The following MAN1A1 variants were observed in gnomAD, a reference collection of about 807,000 sequenced individuals.
The protein encoded by MAN1A1 is mannosyl-oligosaccharide 1,2-alpha-mannosidase IA.
A neutral mutation model predicts 70.8 loss-of-function variants in MAN1A1; 29 were observed. That is an observed-to-expected ratio of 0.41 (90% CI 0.31 to 0.56). The LOEUF (loss-of-function observed/expected upper bound fraction) is 0.56, where lower values mean the gene tolerates loss of function less well. Ranked by LOEUF, MAN1A1 falls within the 20% of genes least tolerant of loss-of-function variation. MAN1A1 has a pLI of 0.29. For synonymous variants in MAN1A1, 349 were observed against 330.1 expected (o/e 1.06, Z -0.62); for missense variants, 747 against 841.3 (o/e 0.89, Z 1.39).
chr6:119,326,808 G>A (rs891499765), intron 2 of MAN1A1, among the ~76,000 whole-genome samples: 20 of 152,176 alleles, frequency 1.3e-4, no homozygotes, highest in Non-Finnish European at 2.2e-4. Context: ...CCCTTGACAC[G>A]TGGGGATTGT....
At chr6:119,210,269 T>C (rs1195605530) in intron 6 of MAN1A1, among the ~76,000 whole-genome samples, 1 of 152,212 alleles carries the variant, frequency 6.6e-6, no homozygotes. Flanking sequence ...TGCTAACTTC[T>C]ATCAACAAAT....
At chr6:119,225,002 C>T (rs1456617320) in intron 6 of MAN1A1, among the ~76,000 whole-genome samples, 1 of 152,008 alleles carries the variant, frequency 6.6e-6, no homozygotes, top group Non-Finnish European at 1.5e-5. Flanking sequence ...TGGTGCATGC[C>T]TGTAATCCTA....
chr6:119,193,406 T>C (rs776879908), intron 9 of MAN1A1, among the ~76,000 whole-genome samples: 1 of 138,434 alleles, frequency 7.2e-6, no homozygotes, highest in South Asian at 2.1e-4. Context: ...GAGGTAGCCA[T>C]TGGGACTGTC....
chr6:119,269,105 C>A, intron 5 of MAN1A1: 1 of 156,334 alleles, frequency 6.4e-6, no homozygotes. Context: ...GCCAGGCAAT[C>A]ATAAGGAATA....
At chr6:119,239,856 A>T (rs1774955668) in intron 6 of MAN1A1, among the ~76,000 whole-genome samples, 1 of 152,168 alleles carries the variant, frequency 6.6e-6, no homozygotes, top group Non-Finnish European at 1.5e-5. Context: ...ACTTGTTCCC[A>T]ATCTAAGTTC....
At chr6:119,324,599 A>T (rs1773100265) in intron 2 of MAN1A1, among the ~76,000 whole-genome samples, 1 of 152,064 alleles carries the variant, frequency 6.6e-6, no homozygotes, top group African/African-American at 2.4e-5. Flanking sequence ...ACCCTTAATT[A>T]TATATTCTAG....
At chr6:119,335,366 T>C (rs1311123461) in intron 2 of MAN1A1, among the ~76,000 whole-genome samples, 3 of 152,162 alleles carry the variant, frequency 2.0e-5, no homozygotes, top group African/African-American at 4.8e-5. Flanking sequence ...ACAACAACTC[T>C]GAAAAAGAGG....
At chr6:119,284,064 G>C (rs1204814973) in intron 5 of MAN1A1, among the ~76,000 whole-genome samples, 2 of 152,106 alleles carry the variant, frequency 1.3e-5, no homozygotes, top group Admixed American at 1.3e-4. Context: ...AAGTTTTCCA[G>C]TTTTGGTTTA....
At chr6:119,255,681 C>T (rs1775437856) in intron 5 of MAN1A1, among the ~76,000 whole-genome samples, 1 of 152,194 alleles carries the variant, frequency 6.6e-6, no homozygotes, top group South Asian at 2.1e-4. Context: ...GTTAAATGCT[C>T]TGATGTGGGA....
intron 6 of MAN1A1, among the ~76,000 whole-genome samples, chr6:119,218,297 C>A (rs1016373058): frequency 6.6e-6 from 1 of 151,946 alleles, no homozygotes; most frequent in Non-Finnish European, 1.5e-5. Context: ...CTCCTCTCAC[C>A]TAAGATTATG....
intron 5 of MAN1A1, among the ~76,000 whole-genome samples, chr6:119,278,951 C>G (rs892863689): frequency 6.6e-6 from 1 of 152,066 alleles, no homozygotes; most frequent in Non-Finnish European, 1.5e-5. Context: ...ACTGCAGAAC[C>G]GTGAGCCAAA....
At chr6:119,309,224 C>T (rs900300859) in intron 2 of MAN1A1, among the ~76,000 whole-genome samples, 1 of 152,208 alleles carries the variant, frequency 6.6e-6, no homozygotes, top group Admixed American at 6.6e-5. Context: ...TGATTTACCA[C>T]ATTAAAGCTA....
At chr6:119,215,703 T>G (rs992745593) in intron 6 of MAN1A1, among the ~76,000 whole-genome samples, 11 of 152,224 alleles carry the variant, frequency 7.2e-5, no homozygotes, top group African/African-American at 2.7e-4. Context: ...CAATATTTTT[T>G]GGGCTATTTT....
chr6:119,340,443 A>G (rs760613196), intron 2 of MAN1A1, among the ~76,000 whole-genome samples: 1 of 152,158 alleles, frequency 6.6e-6, no homozygotes, highest in Non-Finnish European at 1.5e-5. Flanking sequence ...GAGTGTTCTG[A>G]AGGGACCTTG....
chr6:119,264,877 C>T (rs549857780), intron 5 of MAN1A1, among the ~76,000 whole-genome samples: 40 of 152,028 alleles, frequency 2.6e-4, no homozygotes, highest in Non-Finnish European at 5.3e-4. Context: ...GGGTAAAATA[C>T]CCTGTTTTAG....
rs1195549159 is a variant in MAN1A1 at position 119,195,124 on chromosome 6, G to A, written c.1211-1232C>T. 3.9e-5 allele frequency among the ~76,000 whole-genome samples: 6 copies of A among 152,204 alleles called. No homozygotes were observed. The South Asian group carries it at 6.2e-4, about 16-fold the overall frequency. On this transcript the variant is annotated intron_variant, in intron 8 of 12. Coordinates refer to ENST00000368468, the MANE Select transcript of MAN1A1 (RefSeq NM_005907.4). Reference sequence around the variant, plus strand: ...TGGGATTACAGACATGAGGCACTGCGCCTGGCCCAGAGTTCTAATGACAGT... The same window carrying A: ...TGGGATTACAGACATGAGGCACTGCACCTGGCCCAGAGTTCTAATGACAGT...
chr6:119,345,861 C>A (rs1773714261), intron 2 of MAN1A1, among the ~76,000 whole-genome samples: 1 of 152,206 alleles, frequency 6.6e-6, no homozygotes, highest in East Asian at 1.9e-4. Context: ...GTAATCCCAG[C>A]ACTTTGAGAG....
intron 2 of MAN1A1, among the ~76,000 whole-genome samples, chr6:119,330,024 A>G (rs1288233511): frequency 6.6e-6 from 1 of 152,170 alleles, no homozygotes; most frequent in East Asian, 1.9e-4. Context: ...TTCTTCCTGC[A>G]TCTCTCTGAT....
chr6:119,319,846 G>A (rs1250494515), intron 2 of MAN1A1, among the ~76,000 whole-genome samples: 2 of 152,138 alleles, frequency 1.3e-5, no homozygotes, highest in Admixed American at 6.5e-5. Context: ...CTTTTGTCAA[G>A]GTCAATGGGT....
Sources: gnomAD v4.1 joint callset for allele counts (sites outside exome capture counted in the v4.1 genomes callset) on GRCh38, gnomAD v4.1.1 for gene constraint, MANE v1.5 for transcripts, NCBI Gene and HGNC (gene_info 2026-07-23, HGNC 2026-07-21) for gene names.